The following CDH18 variants were observed in gnomAD, a reference collection of about 807,000 sequenced individuals.
The protein encoded by CDH18 is cadherin 18, also known as cadherin-18.
CDH18 carries 31 observed loss-of-function variants against 67.9 expected under a neutral mutation model. The ratio of observed to expected loss-of-function variants is 0.46; its 90% CI spans 0.34 to 0.62. The LOEUF is 0.62. Ranked by LOEUF, CDH18 falls within the 20% of genes least tolerant of loss-of-function variation. The probability of loss-of-function intolerance (pLI) is 0.01; values close to 1 mark genes in which losing one functional copy is unlikely to be tolerated. For missense variants in CDH18, 890 were observed against 975.5 expected, an observed-to-expected ratio of 0.91 and a Z score of 1.17; for synonymous variants, 362 against 347.2, an observed-to-expected ratio of 1.04 and a Z score of -0.48.
intron 2 of CDH18, among the ~76,000 whole-genome samples, chr5:20,145,285 A>C (rs1048043109): frequency 1.3e-5 from 2 of 152,210 alleles, no homozygotes; most frequent in Non-Finnish European, 2.9e-5. Context: ...CCTTCTTAAT[A>C]AAGTTTTTCT....
chr5:20,025,232 C>T (rs1273828595), intron 2 of CDH18, among the ~76,000 whole-genome samples: 1 of 152,120 alleles, frequency 6.6e-6, no homozygotes. Flanking sequence ...GATCTTAGTA[C>T]ACTGTAAGTA....
intron 1 of CDH18, among the ~76,000 whole-genome samples, chr5:20,569,789 T>C (rs1369496426): frequency 2.0e-5 from 3 of 152,208 alleles, no homozygotes; most frequent in African/African-American, 7.2e-5. Context: ...TGACCTTCAG[T>C]AGATGAATGA....
chr5:19,780,279 G>C (rs1774946759), intron 3 of CDH18, among the ~76,000 whole-genome samples: 1 of 152,040 alleles, frequency 6.6e-6, no homozygotes, highest in Non-Finnish European at 1.5e-5. Flanking sequence ...GAACCTAACT[G>C]TATAAATCTA....
chr5:19,623,889 T>C (rs1292548356), intron 5 of CDH18, among the ~76,000 whole-genome samples: 1 of 150,936 alleles, frequency 6.6e-6, no homozygotes, highest in East Asian at 1.9e-4. Context: ...ATTACCAATT[T>C]AGTTATTGTG....
chr5:20,489,500 A>T (rs1167600175), intron 1 of CDH18, among the ~76,000 whole-genome samples: 3 of 152,098 alleles, frequency 2.0e-5, no homozygotes, highest in Non-Finnish European at 4.4e-5. Flanking sequence ...TTTGTAAAAA[A>T]TGATCTTGTG....
At chr5:20,363,083 T>C (rs1458144026) in intron 1 of CDH18, among the ~76,000 whole-genome samples, 1 of 152,202 alleles carries the variant, frequency 6.6e-6, no homozygotes, top group Non-Finnish European at 1.5e-5. Flanking sequence ...TCGTCCTCTC[T>C]AGCCTGGATT....
chr5:20,414,308 C>A (rs566934348), intron 1 of CDH18, among the ~76,000 whole-genome samples: 38 of 152,294 alleles, frequency 2.5e-4, no homozygotes, highest in Non-Finnish European at 5.1e-4. Context: ...GGTATCACTT[C>A]GTTTACAACA....
At chr5:19,611,953 T>TGC (rs1749034315) in intron 6 of CDH18, among the ~76,000 whole-genome samples, 1 of 143,764 alleles carries the variant, frequency 7.0e-6, no homozygotes, top group African/African-American at 2.8e-5. Flanking sequence ...ATGATGCGTG[T>TGC]GTGTGTGTGT....
chr5:19,601,825 A>G (rs1747179227), intron 6 of CDH18, among the ~76,000 whole-genome samples: 1 of 152,098 alleles, frequency 6.6e-6, no homozygotes, highest in Admixed American at 6.5e-5. Flanking sequence ...TTTCATTTCC[A>G]TTAACAGAAT....
chr5:20,165,369 A>T (rs1028593393), intron 2 of CDH18, among the ~76,000 whole-genome samples: 1 of 152,102 alleles, frequency 6.6e-6, no homozygotes, highest in East Asian at 1.9e-4. Context: ...ATTAAAGGAC[A>T]ATCTCTGTCA....
At chr5:20,422,111 G>A (rs1747914486) in intron 1 of CDH18, among the ~76,000 whole-genome samples, 2 of 151,134 alleles carry the variant, frequency 1.3e-5, no homozygotes, top group South Asian at 2.1e-4. Context: ...ATTCTAGGAA[G>A]AAACAGAATT....
chr5:20,059,950 G>A (rs1021756588), intron 2 of CDH18, among the ~76,000 whole-genome samples: 2 of 131,892 alleles, frequency 1.5e-5, no homozygotes, highest in South Asian at 2.4e-4. Context: ...ACAGGGAGGG[G>A]AACATCACAC....
chr5:20,194,055 C>A (rs1424928398), intron 2 of CDH18, among the ~76,000 whole-genome samples: 1 of 152,058 alleles, frequency 6.6e-6, no homozygotes, highest in African/African-American at 2.4e-5. Context: ...ACAAGGATGA[C>A]CTCTCTCACC....
intron 5 of CDH18, among the ~76,000 whole-genome samples, chr5:19,635,841 A>G (rs956807398): frequency 6.6e-6 from 1 of 152,144 alleles, no homozygotes. Context: ...ATATTATCCA[A>G]AGTAACTGCA....
intron 9 of CDH18, among the ~76,000 whole-genome samples, chr5:19,524,285 TATG>T (rs1167043745): frequency 1.3e-5 from 2 of 149,828 alleles, no homozygotes; most frequent in Non-Finnish European, 3.0e-5. Context: ...TAAAAGATAA[TATG>T]ATGCTTGTAT....
intron 11 of CDH18, among the ~76,000 whole-genome samples, chr5:19,489,299 G>A (rs780150214): frequency 3.3e-4 from 49 of 146,414 alleles, no homozygotes; most frequent in Non-Finnish European, 5.9e-4. Flanking sequence ...CCAGGCTGGA[G>A]TGCAGTGGTG....
At chr5:20,121,405 T>C (rs1194076426) in intron 2 of CDH18, among the ~76,000 whole-genome samples, 1 of 151,576 alleles carries the variant, frequency 6.6e-6, no homozygotes, top group Non-Finnish European at 1.5e-5. Context: ...CTTCAGCTGC[T>C]TTTTAATTAA....
At chr5:20,254,722 A>T (rs1229749482) in intron 2 of CDH18, among the ~76,000 whole-genome samples, 4 of 152,194 alleles carry the variant, frequency 2.6e-5, no homozygotes, top group Non-Finnish European at 4.4e-5. Context: ...TTCTCAACGA[A>T]CTTAAAACAG....
At chr5:19,880,795 G>C (rs1787558887) in intron 2 of CDH18, among the ~76,000 whole-genome samples, 1 of 152,148 alleles carries the variant, frequency 6.6e-6, no homozygotes. Flanking sequence ...TGAAACACTT[G>C]TATGCTCATA....
Sources: allele counts gnomAD v4.1 joint callset (sites outside exome capture counted in the v4.1 genomes callset), GRCh38; gene constraint gnomAD v4.1.1; transcripts MANE v1.5; gene names NCBI Gene and HGNC (gene_info 2026-07-23, HGNC 2026-07-21).